PKNOX2: variants seen among roughly 807,000 people sequenced by gnomAD.
The protein encoded by PKNOX2 is PBX/knotted 1 homeobox 2, also known as homeobox protein PKNOX2.
Under a neutral mutation model 53.1 loss-of-function variants are expected in PKNOX2, and 14 were observed. The ratio of observed to expected loss-of-function variants is 0.26; its 90% CI spans 0.17 to 0.41. PKNOX2 has a LOEUF of 0.41. Among genes scored for constraint, PKNOX2 ranks in the 10% least tolerant of loss-of-function variants. The pLI, the probability that PKNOX2 is intolerant of heterozygous loss-of-function variation, is 1.00. For missense variants in PKNOX2, 496 were observed against 602.8 expected, an observed-to-expected ratio of 0.82 and a Z score of 1.85; for synonymous variants, 257 against 242.8, an observed-to-expected ratio of 1.06 and a Z score of -0.54.
chr11:125,187,559 G>A (rs1956530834), intron 1 of PKNOX2, among the ~76,000 whole-genome samples: 1 of 152,068 alleles, frequency 6.6e-6, no homozygotes. Flanking sequence ...ATTAGTTCTA[G>A]TAACTTTCTT....
chr11:125,320,634 C>A (rs1949467705), intron 2 of PKNOX2, among the ~76,000 whole-genome samples: 1 of 152,190 alleles, frequency 6.6e-6, no homozygotes, highest in East Asian at 1.9e-4. Flanking sequence ...CTCTGTTATT[C>A]CAGCTTGCTA....
chr11:125,195,262 G>T (rs149994760), intron 1 of PKNOX2, among the ~76,000 whole-genome samples: 1 of 152,324 alleles, frequency 6.6e-6, no homozygotes, highest in East Asian at 1.9e-4. Flanking sequence ...AACCCAGGCT[G>T]GTCTGCTTCA....
chr11:125,293,787 G>A (rs566992322), intron 2 of PKNOX2, among the ~76,000 whole-genome samples: 25 of 149,098 alleles, frequency 1.7e-4, no homozygotes, highest in African/African-American at 6.0e-4. Flanking sequence ...ACACAGACAC[G>A]CTCACACACA....
intron 1 of PKNOX2, among the ~76,000 whole-genome samples, chr11:125,224,839 T>G (rs769405567): frequency 2.6e-5 from 4 of 152,148 alleles, no homozygotes; most frequent in Non-Finnish European, 5.9e-5. Context: ...CCCTGTTAAG[T>G]TATTTATGAA....
chr11:125,431,039 C>T, intron 12 of PKNOX2, 127 bp from the exon 13 acceptor site: 1 of 1,453,180 alleles, frequency 6.9e-7, no homozygotes. Context: ...CCAGCTCAGG[C>T]TTGGACAGCT....
At chr11:125,178,649 G>GAAAGAAAGAAAGAAA (rs1565462458) in intron 1 of PKNOX2, among the ~76,000 whole-genome samples, 5 of 51,684 alleles carry the variant, frequency 9.7e-5, no homozygotes, top group Non-Finnish European at 1.4e-4. Context: ...AAAGAAAGAA[G>GAAAGAAAGAAAGAAA]GAAGGAAGGA....
At chr11:125,289,286 A>G (rs760107383) in intron 2 of PKNOX2, among the ~76,000 whole-genome samples, 4 of 152,234 alleles carry the variant, frequency 2.6e-5, no homozygotes, top group Non-Finnish European at 4.4e-5. Flanking sequence ...TGCATGCCAC[A>G]TGCTATAGTA....
chr11:125,307,072 C>T lies in PKNOX2; in HGVS notation c.-129-24747C>T, dbSNP rs553366049. ...GCTTGTCTTTTTGCTATTTGTTTTT[C>T]GTTTCTGTGTCCCTTGACATACCTG... On this transcript the variant is annotated intron_variant, in intron 2 of 12. Coordinates refer to ENST00000298282, the MANE Select transcript of PKNOX2 (RefSeq NM_001382323.2). Among the ~76,000 whole-genome samples, 53 of 152,264 alleles carry T rather than the reference C, an allele frequency of 3.5e-4. 1 individual carries two copies. Among genetic ancestry groups the T allele is most frequent in the Admixed American group, 2.6e-3 (40 of 15,288 alleles).
intron 2 of PKNOX2, among the ~76,000 whole-genome samples, chr11:125,328,360 AGTGAGAGAG>A (rs1949947117): frequency 7.0e-6 from 1 of 143,788 alleles, no homozygotes; most frequent in African/African-American, 2.9e-5. Flanking sequence ...AGAGAGAGTG[AGTGAGAGAG>A]AGAGAGAGAG....
chr11:125,420,227 T>TAA (rs1956101337), intron 10 of PKNOX2, among the ~76,000 whole-genome samples: 1 of 25,388 alleles, frequency 3.9e-5, no homozygotes, highest in African/African-American at 5.7e-5. Flanking sequence ...AGTTTTTTAT[T>TAA]TAAAAAAAAA....
intron 5 of PKNOX2, among the ~76,000 whole-genome samples, chr11:125,384,849 G>A (rs1363938094): frequency 6.6e-6 from 1 of 152,136 alleles, no homozygotes; most frequent in East Asian, 1.9e-4. Context: ...GCATGCCAAG[G>A]TCTTAGGGAT....
At chr11:125,193,418 G>T (rs995785658) in intron 1 of PKNOX2, among the ~76,000 whole-genome samples, 1 of 152,176 alleles carries the variant, frequency 6.6e-6, no homozygotes, top group Non-Finnish European at 1.5e-5. Flanking sequence ...CAAAGTTGAG[G>T]TTTTTTACTG....
At chr11:125,222,635 A>ATATG (rs1565472855) in intron 1 of PKNOX2, among the ~76,000 whole-genome samples, 1 of 126,764 alleles carries the variant, frequency 7.9e-6, no homozygotes, top group African/African-American at 3.2e-5. Context: ...GTGTGTGTGT[A>ATATG]TGTGTGTGCG....
chr11:125,252,289 G>C (rs1034435346), intron 2 of PKNOX2, among the ~76,000 whole-genome samples: 2 of 152,196 alleles, frequency 1.3e-5, no homozygotes, highest in African/African-American at 4.8e-5. Context: ...TGGGACAAAG[G>C]CTGTGGGGAA....
At chr11:125,306,961 G>A (rs1418034271) in intron 2 of PKNOX2, among the ~76,000 whole-genome samples, 1 of 152,168 alleles carries the variant, frequency 6.6e-6, no homozygotes, top group Non-Finnish European at 1.5e-5. Context: ...AGGAGCTTTG[G>A]CATCTTAACC....
intron 2 of PKNOX2, among the ~76,000 whole-genome samples, chr11:125,300,584 A>T (rs757918126): frequency 3.3e-5 from 5 of 152,176 alleles, no homozygotes; most frequent in Non-Finnish European, 7.4e-5. Flanking sequence ...AAAGAGAGAC[A>T]GAGAGACAGA....
At chr11:125,314,310 G>A (rs553563146) in intron 2 of PKNOX2, among the ~76,000 whole-genome samples, 92 of 152,194 alleles carry the variant, frequency 6.0e-4, no homozygotes, top group Non-Finnish European at 1.0e-3. Context: ...TGCTCGCAAC[G>A]TCACCATGGC....
chr11:125,315,510 C>A (rs909627952), intron 2 of PKNOX2, among the ~76,000 whole-genome samples: 2 of 152,096 alleles, frequency 1.3e-5, no homozygotes, highest in South Asian at 2.1e-4. Context: ...TTGGTGCCAG[C>A]ACAGAGGCAG....
intron 1 of PKNOX2, among the ~76,000 whole-genome samples, chr11:125,208,800 T>A (rs1939463626): frequency 6.6e-6 from 1 of 151,914 alleles, no homozygotes; most frequent in South Asian, 2.1e-4. Flanking sequence ...TAGTAAAGAC[T>A]CAAAGATGAG....
Sources: allele counts gnomAD v4.1 joint callset (sites outside exome capture counted in the v4.1 genomes callset), GRCh38; gene constraint gnomAD v4.1.1; transcripts MANE v1.5; gene names NCBI Gene and HGNC (gene_info 2026-07-23, HGNC 2026-07-21).